The following FAHD2B variants were observed in gnomAD, a reference collection of about 807,000 sequenced individuals.
The protein encoded by FAHD2B is oxaloacetate tautomerase FAHD2B, mitochondrial.
A neutral mutation model predicts 33.7 loss-of-function variants in FAHD2B; 26 were observed. The observed-to-expected ratio is 0.77, with a 90% confidence interval of 0.57 to 1.07. FAHD2B has a LOEUF of 1.07. Ranked by LOEUF, FAHD2B falls within the 50% of genes least tolerant of loss-of-function variation. The pLI is 0.00. For missense variants in FAHD2B, 272 were observed against 388.1 expected (o/e 0.70, Z 2.51); for synonymous variants, 108 against 150.9 (o/e 0.72, Z 2.08).
chr2:97,085,888 C>T, intron 5 of FAHD2B, 27 bp from the exon 6 acceptor site: 1 of 1,613,448 alleles, frequency 6.2e-7, no homozygotes, highest in Non-Finnish European at 8.5e-7. Context: ...TTTGGCCATA[C>T]AGGAGGTTAG....
chr2:97,080,849 G>GT (rs1243288366), downstream of FAHD2B, among the ~76,000 whole-genome samples: 1 of 152,228 alleles, frequency 6.6e-6, no homozygotes, highest in East Asian at 1.9e-4. Flanking sequence ...TGTAGCAATT[G>GT]TGAGTGGGAG....
chr2:97,093,789 G>A lies in FAHD2B; in HGVS notation c.-133+912C>T, dbSNP rs1559142047. Among the ~76,000 whole-genome samples the A allele has an allele frequency of 2.0e-5, 3 of 152,022 alleles. No individual in the cohort carries two copies. The South Asian group carries it at 6.2e-4, about 32-fold the overall frequency. ...CGCCCGGCCTGATTTAATTCTTGAC[G>A]CTTGTGGAAGGTAGGTACTGTTAGT... On this transcript the variant is annotated intron_variant, in intron 1 of 8. Coordinates refer to ENST00000414820, the MANE Select transcript of FAHD2B (RefSeq NM_001320848.2).
downstream of FAHD2B, chr2:97,083,160 G>T (rs58420365): frequency 5.0e-6 from 8 of 1,590,052 alleles, no homozygotes; most frequent in African/African-American, 6.7e-5. Context: ...AGCAGACGCC[G>T]AGCCCTGCAG....
chr2:97,082,400 G>C (rs1053653391), downstream of FAHD2B: 2 of 1,613,646 alleles, frequency 1.2e-6, no homozygotes, highest in African/African-American at 2.7e-5. Flanking sequence ...CTTCTGCAGA[G>C]TCGGGCTACA....
At chr2:97,090,471 C>A (rs2924057) in intron 3 of FAHD2B, 146 bp from the exon 4 acceptor site, 2 of 1,441,002 alleles carry the variant, frequency 1.4e-6, no homozygotes, top group South Asian at 3.0e-5. Context: ...AGTGTGAAAA[C>A]CACTGACTAT....
intron 1 of FAHD2B, among the ~76,000 whole-genome samples, chr2:97,093,699 T>G (rs565504633): frequency 6.6e-6 from 1 of 152,198 alleles, no homozygotes; most frequent in East Asian, 1.9e-4. Flanking sequence ...GGTCTCGATC[T>G]CCTGACCTTG....
chr2:97,082,149 T>C, downstream of FAHD2B: 1 of 1,558,142 alleles, frequency 6.4e-7, no homozygotes, highest in Non-Finnish European at 8.7e-7. Context: ...AGGGAGGTGG[T>C]AGGGAGGTGG....
downstream of FAHD2B, among the ~76,000 whole-genome samples, chr2:97,079,769 A>G (rs2031584650): frequency 1.3e-5 from 2 of 151,438 alleles, no homozygotes; most frequent in South Asian, 4.2e-4. Flanking sequence ...GGTTCAAGCA[A>G]TTCTTCTGCC....
At chr2:97,079,619 T>A (rs1479701700), downstream of FAHD2B, among the ~76,000 whole-genome samples, 2 of 151,856 alleles carry the variant, frequency 1.3e-5, no homozygotes, top group African/African-American at 2.4e-5. Flanking sequence ...TTTAGTGGGG[T>A]TGTTTTGAAT....
chr2:97,081,741 T>G (rs985146891), downstream of FAHD2B, among the ~76,000 whole-genome samples: 6 of 148,666 alleles, frequency 4.0e-5, no homozygotes, highest in Non-Finnish European at 8.8e-5. Context: ...TGGATAGCAC[T>G]GGACATGTGT....
At position 97,086,333 on chromosome 2, in the gene FAHD2B, C is replaced by G. The variant is rs1056936640; in HGVS notation, c.463-135G>C. 1.2e-5 allele frequency: 15 copies of G among 1,257,646 alleles called. 1 individual carries two copies. Among genetic ancestry groups the G allele is most frequent in the Admixed American group, 6.6e-5 (3 of 45,622 alleles). The allele number at this position is 1,257,646 out of a possible 1,614,324, so 77.9% of individuals were successfully genotyped here. A position where few individuals can be genotyped will look rare whatever the true frequency, so the allele number is the denominator to read the frequency against. On this transcript the variant is annotated intron_variant, in intron 4 of 8. Transcript: ENST00000414820. The stretch of plus-strand genomic sequence containing the variant: ...CGTTTGCCATCACCCTGAACCAGAG[C>G]CCAGTGAATGACAAGGGAGGTGTGA...
At chr2:97,088,417 G>A (rs1285073737) in intron 4 of FAHD2B, among the ~76,000 whole-genome samples, 1 of 152,012 alleles carries the variant, frequency 6.6e-6, no homozygotes, top group African/African-American at 2.4e-5. Flanking sequence ...TGGGTCTCAC[G>A]AGATCTGATA....
At chr2:97,093,278 C>T (rs1304966556) in intron 1 of FAHD2B, among the ~76,000 whole-genome samples, 1 of 151,964 alleles carries the variant, frequency 6.6e-6, no homozygotes, top group African/African-American at 2.4e-5. Flanking sequence ...TGTTGTGGCC[C>T]GCCAGTTTGA....
downstream of FAHD2B, chr2:97,082,685 C>A: frequency 1.9e-6 from 3 of 1,583,922 alleles, no homozygotes; most frequent in Non-Finnish European, 2.6e-6. Flanking sequence ...AGAGCCTTCA[C>A]TTCTCTCTTC....
chr2:97,093,159 C>G (rs534529412), intron 1 of FAHD2B, among the ~76,000 whole-genome samples: 4 of 151,992 alleles, frequency 2.6e-5, no homozygotes, highest in Non-Finnish European at 4.4e-5. Flanking sequence ...TATTGTACAG[C>G]CTTCTATGCC....
chr2:97,085,646 G>C (rs4063382), intron 6 of FAHD2B, 53 bp downstream of exon 6: 1 of 1,605,778 alleles, frequency 6.2e-7, no homozygotes, highest in Non-Finnish European at 8.5e-7. Flanking sequence ...CTCCCTGGAG[G>C]GCTGTTCATC....
intron 1 of FAHD2B, among the ~76,000 whole-genome samples, chr2:97,093,471 C>CTTTTTTTTTTTTTT: frequency 1.1e-5 from 1 of 92,108 alleles, no homozygotes; most frequent in Middle Eastern, 6.3e-3. Context: ...TGATTTAATT[C>CTTTTTTTTTTTTTT]TTTTTTTTTT....
chr2:97,093,535 C>A (rs542716595), intron 1 of FAHD2B, among the ~76,000 whole-genome samples: 4 of 138,808 alleles, frequency 2.9e-5, no homozygotes, highest in Admixed American at 2.4e-4. Flanking sequence ...AGTGCAGTGG[C>A]GCAATCTTGG....
downstream of FAHD2B, chr2:97,083,035 G>A: frequency 1.7e-6 from 2 of 1,185,864 alleles, no homozygotes; most frequent in South Asian, 1.6e-5. Flanking sequence ...TGAGGTCTAA[G>A]GGGCCAGAGG....
Sources: allele counts gnomAD v4.1 joint callset (sites outside exome capture counted in the v4.1 genomes callset), GRCh38; gene constraint gnomAD v4.1.1; transcripts MANE v1.5; gene names NCBI Gene and HGNC (gene_info 2026-07-23, HGNC 2026-07-21).